Variants in TMX3 observed in about 807,000 individuals in gnomAD.
TMX3 encodes protein disulfide-isomerase TMX3.
A neutral mutation model predicts 64.4 loss-of-function variants in TMX3; 40 were observed. The observed-to-expected ratio is 0.62, with a 90% CI of 0.48 to 0.81. The LOEUF (loss-of-function observed/expected upper bound fraction) is 0.81. TMX3 is among the 30% of genes least tolerant of loss of function. TMX3 has a pLI of 0.00. For synonymous variants in TMX3, 189 were observed against 175.7 expected (o/e 1.08, Z -0.60); for missense variants, 497 against 534.5 (o/e 0.93, Z 0.69).
chr18:68,694,803 C>T (rs1175325008), intron 8 of TMX3, among the ~76,000 whole-genome samples: 1 of 152,108 alleles, frequency 6.6e-6, no homozygotes, highest in East Asian at 1.9e-4. Flanking sequence ...TTGTGGGGTA[C>T]ATAAGATAAA....
intron 2 of TMX3, 30 bp from the exon 3 acceptor site, chr18:68,711,433 G>GT: frequency 6.6e-7 from 1 of 1,517,738 alleles, no homozygotes; most frequent in South Asian, 1.2e-5. Flanking sequence ...ATGTTTGATT[G>GT]TATGTTTGTG....
At chr18:68,682,393 A>G (rs997120659) in intron 13 of TMX3, among the ~76,000 whole-genome samples, 5 of 152,248 alleles carry the variant, frequency 3.3e-5, no homozygotes, top group African/African-American at 9.6e-5. Flanking sequence ...TTAAAACTAC[A>G]TATTTTCCTA....
chr18:68,679,462 C>A lies in TMX3; in HGVS notation c.1104+1G>T. The A allele has an allele frequency of 6.2e-7, 1 of 1,610,336 alleles. No homozygotes were observed. Among genetic ancestry groups the A allele is most frequent in the Non-Finnish European group, 8.5e-7 (1 of 1,177,914 alleles). On this transcript the variant is annotated splice_donor_variant, in intron 15 of 15. Coordinates refer to ENST00000299608, the MANE Select transcript of TMX3 (RefSeq NM_019022.5). LOFTEE classifies it high-confidence loss of function. ...CAATGACATAAACTGTCACAACTTACCACAATAGTAGATTTGGCATCAAAT... is the reference window on the plus strand; with the variant it reads ...CAATGACATAAACTGTCACAACTTAACACAATAGTAGATTTGGCATCAAAT...
chr18:68,681,810 T>C (rs1350387174), intron 13 of TMX3, among the ~76,000 whole-genome samples: 1 of 152,194 alleles, frequency 6.6e-6, no homozygotes, highest in Non-Finnish European at 1.5e-5. Flanking sequence ...TCAATGAGGC[T>C]AAGAGTTAGT....
chr18:68,712,679 G>A (rs2031407852), intron 2 of TMX3, among the ~76,000 whole-genome samples: 1 of 152,040 alleles, frequency 6.6e-6, no homozygotes, highest in African/African-American at 2.4e-5. Flanking sequence ...CACTCTGAAG[G>A]AGGAAGTCTG....
intron 5 of TMX3, chr18:68,701,476 T>C: frequency 2.0e-6 from 1 of 503,582 alleles, no homozygotes; most frequent in Non-Finnish European, 3.3e-6. Context: ...AAAAGACCTT[T>C]CATAATTTAT....
chr18:68,707,931 A>G (rs1302972555), intron 4 of TMX3, among the ~76,000 whole-genome samples: 1 of 149,468 alleles, frequency 6.7e-6, no homozygotes, highest in Non-Finnish European at 1.5e-5. Flanking sequence ...GTATATGTGT[A>G]TATATGTGTA....
chr18:68,703,329 T>C (rs1285627750), intron 4 of TMX3, among the ~76,000 whole-genome samples: 1 of 152,210 alleles, frequency 6.6e-6, no homozygotes, highest in East Asian at 1.9e-4. Context: ...AGTAATCCCT[T>C]TGTATAACTT....
chr18:68,686,853 A>G, intron 10 of TMX3: 1 of 985,410 alleles, frequency 1.0e-6, no homozygotes, highest in Non-Finnish European at 1.2e-6. Context: ...AAGCTCAGGA[A>G]CAGAACAGAA....
intron 9 of TMX3, 148 bp from the exon 10 acceptor site, chr18:68,687,913 A>T: frequency 2.0e-6 from 1 of 498,778 alleles, no homozygotes; most frequent in Non-Finnish European, 3.4e-6. Flanking sequence ...CAAGCATACA[A>T]TCAAATGTAC....
At chr18:68,708,020 T>C (rs980049914) in intron 4 of TMX3, among the ~76,000 whole-genome samples, 1 of 129,778 alleles carries the variant, frequency 7.7e-6, no homozygotes. Flanking sequence ...TATATGTGTA[T>C]ATATGTGTAT....
chr18:68,674,071 A>C lies in TMX3; in HGVS notation c.*2862T>G, dbSNP rs1912737733. 1 of 152,148 alleles carries C rather than the reference A, an allele frequency of 6.6e-6. No homozygotes were observed. The highest frequency in any genetic ancestry group is 2.4e-5 in the African/African-American group (1 of 41,444). 9.4% of individuals were successfully genotyped at this position (152,148 alleles called of 1,614,324 possible). A position where few individuals can be genotyped will look rare whatever the true frequency, so the allele number is the denominator to read the frequency against. The stretch of plus-strand genomic sequence containing the variant: ...GGTCCCAAAGCAAAACACACACAAA[A>C]AGTCACTAACAATATCCACTAAACA... On this transcript the variant is annotated 3_prime_UTR_variant, in exon 16 of 16. Transcript: ENST00000299608.
rs373941532 is a variant in TMX3, at chr18:68,687,743, T to C, written c.660A>G (p.Ser220=). The change falls in exon 10 of 16, where the codon TCA becomes TCG. Residue 220 remains serine (S), a synonymous_variant. Coordinates refer to ENST00000299608, the MANE Select transcript of TMX3 (RefSeq NM_019022.5). ...VYDEYEDGDL[S]SWINRERFQN... ...GAAACCTTTCCCTGTTGATCCATGA[T>C]GACAGATCACCATCTTCATACTCTT... The C allele has an allele frequency of 9.8e-5, 158 of 1,611,608 alleles. No individual in the cohort carries two copies. The highest frequency in any genetic ancestry group is 1.2e-4 in the Non-Finnish European group (143 of 1,179,064).
chr18:68,676,839 C>A lies in TMX3; in HGVS notation c.*94G>T, dbSNP rs1912964869. ...ATTAGCAAAATACGAATAACATGTT[C>A]TTTTCTGTAAAGATCATGATTAAAT... On this transcript the variant is annotated 3_prime_UTR_variant, in exon 16 of 16. Transcript: ENST00000299608. 1.4e-6 allele frequency: 2 copies of A among 1,457,398 alleles called. No individual in the cohort carries two copies. The highest frequency in any genetic ancestry group is 1.4e-5 in the African/African-American group (1 of 69,790). The allele number at this position is 1,457,398 out of a possible 1,614,324, so 90.3% of individuals were successfully genotyped here. A position where few individuals can be genotyped will look rare whatever the true frequency, so the allele number is the denominator to read the frequency against.
At position 68,689,365 on chromosome 18, in the gene TMX3, T is replaced by C. The variant is rs796460603; in HGVS notation, c.638-1600A>G. On this transcript the variant is annotated intron_variant, in intron 9 of 15. Coordinates refer to ENST00000299608, the MANE Select transcript of TMX3 (RefSeq NM_019022.5). ...CCTGATATCTGTTTATATTTAAATA[T>C]GTTTATATTTAAACAGATATGATCA... 8.6e-5 allele frequency among the ~76,000 whole-genome samples: 13 copies of C among 152,032 alleles called. No homozygotes were observed. In the South Asian group the frequency reaches 2.7e-3, roughly 31 times the overall value.
At chr18:68,690,564 A>G (rs955101653) in intron 9 of TMX3, among the ~76,000 whole-genome samples, 14 of 152,328 alleles carry the variant, frequency 9.2e-5, no homozygotes, top group African/African-American at 3.1e-4. Context: ...GAATGATGTC[A>G]GTTGTTGTAG....
intron 10 of TMX3, among the ~76,000 whole-genome samples, chr18:68,685,742 T>G (rs1399392526): frequency 6.6e-6 from 1 of 152,192 alleles, no homozygotes; most frequent in Non-Finnish European, 1.5e-5. Flanking sequence ...GACATTTTCA[T>G]CAAATAAATG....
intron 9 of TMX3, 66 bp downstream of exon 9, chr18:68,691,229 C>T: frequency 1.8e-6 from 2 of 1,129,482 alleles, no homozygotes; most frequent in South Asian, 1.6e-5. Context: ...AATCTTTACA[C>T]CTAAGTTGTA....
At chr18:68,702,267 C>G (rs955442994) in intron 4 of TMX3, among the ~76,000 whole-genome samples, 1 of 145,164 alleles carries the variant, frequency 6.9e-6, no homozygotes, top group Non-Finnish European at 1.5e-5. Context: ...ATTTTAAAAG[C>G]ATAACTTGTA....
Sources: allele counts gnomAD v4.1 joint callset (sites outside exome capture counted in the v4.1 genomes callset), GRCh38; gene constraint gnomAD v4.1.1; transcripts MANE v1.5; gene names NCBI Gene and HGNC (gene_info 2026-07-23, HGNC 2026-07-21).